TENM4: variants seen among roughly 807,000 people sequenced by gnomAD.
TENM4 encodes the protein teneurin transmembrane protein 4, also known as teneurin-4.
TENM4 carries 82 observed loss-of-function variants against 243.3 expected under a neutral mutation model. The ratio of observed to expected loss-of-function variants is 0.34; its 90% CI spans 0.28 to 0.40. The LOEUF is 0.40. Ranked by LOEUF, TENM4 falls within the 10% of genes least tolerant of loss-of-function variation. TENM4 has a pLI of 1.00. For missense variants in TENM4, 3,138 were observed against 3,673.3 expected (o/e 0.85, Z 3.77); for synonymous variants, 1,412 against 1,456.3 (o/e 0.97, Z 0.69).
At chr11:79,189,130 G>C (rs1218035399) in intron 3 of TENM4, among the ~76,000 whole-genome samples, 3 of 152,194 alleles carry the variant, frequency 2.0e-5, no homozygotes, top group Non-Finnish European at 4.4e-5. Context: ...ACACAGATAT[G>C]GTATGGCACA....
At chr11:78,865,624 A>G (rs367674046) in intron 9 of TENM4, among the ~76,000 whole-genome samples, 2 of 152,142 alleles carry the variant, frequency 1.3e-5, no homozygotes, top group South Asian at 2.1e-4. Context: ...AGACACACAC[A>G]AAAAAACTAC....
intron 6 of TENM4, among the ~76,000 whole-genome samples, chr11:79,010,406 G>A (rs1194474513): frequency 1.3e-5 from 2 of 152,152 alleles, no homozygotes; most frequent in East Asian, 3.9e-4. Context: ...CAGGGAGGCC[G>A]GAAGTCTTCA....
intron 28 of TENM4, 46 bp downstream of exon 28, chr11:78,701,480 G>T: frequency 1.3e-6 from 2 of 1,518,580 alleles, no homozygotes; most frequent in South Asian, 1.3e-5. Flanking sequence ...ATCCTACAAT[G>T]AATTAATGAA....
intron 32 of TENM4, among the ~76,000 whole-genome samples, chr11:78,666,734 G>T (rs764234562): frequency 2.0e-5 from 3 of 152,194 alleles, no homozygotes; most frequent in Non-Finnish European, 4.4e-5. Context: ...ACCCTTCATT[G>T]CAGCCTTGAA....
chr11:78,910,014 G>A (rs183191685), intron 6 of TENM4, among the ~76,000 whole-genome samples: 26 of 152,306 alleles, frequency 1.7e-4, no homozygotes, highest in African/African-American at 4.6e-4. Flanking sequence ...TGCCTCCCTC[G>A]TGGAAAGATT....
chr11:79,291,200 C>A (rs183229688), intron 2 of TENM4, among the ~76,000 whole-genome samples: 1 of 152,024 alleles, frequency 6.6e-6, no homozygotes, highest in Non-Finnish European at 1.5e-5. Flanking sequence ...CTAGGATGCA[C>A]GGGGAAGCAC....
chr11:78,699,733 C>T lies in TENM4; in HGVS notation c.5087+1793G>A, dbSNP rs192290615. Among the ~76,000 whole-genome samples the T allele has an allele frequency of 3.0e-3, 460 of 152,260 alleles. 2 individuals carry two copies. The highest frequency in any genetic ancestry group is 4.9e-3 in the Admixed American group (75 of 15,300). On this transcript the variant is annotated intron_variant, in intron 28 of 33. Transcript: ENST00000278550. ...AAGGAAAGAAAGGGAGGGATCTTTCCTGGTAGAAGTGTAGGAAACCGTTTT... is the reference window on the plus strand; with the variant it reads ...AAGGAAAGAAAGGGAGGGATCTTTCTTGGTAGAAGTGTAGGAAACCGTTTT...
rs192577605 is a variant in TENM4 at position 79,225,925 on chromosome 11, C to G, written c.-264-10016G>C. Among the ~76,000 whole-genome samples the G allele has an allele frequency of 1.2e-3, 189 of 152,246 alleles. 1 individual carries two copies. Among genetic ancestry groups the G allele is most frequent in the African/African-American group, 4.3e-3 (178 of 41,532 alleles). ...CGAAAATGAGTAATATGAATGGATCCATGTACTGGTGAATGGACTAGACCG... is the reference window on the plus strand; with the variant it reads ...CGAAAATGAGTAATATGAATGGATCGATGTACTGGTGAATGGACTAGACCG... On this transcript the variant is annotated intron_variant, in intron 2 of 33. Coordinates refer to ENST00000278550, the MANE Select transcript of TENM4 (RefSeq NM_001098816.3).
chr11:78,712,918 AACCCCTTGCAATTCTTGCAAG>A (rs912460253), intron 25 of TENM4, among the ~76,000 whole-genome samples: 1 of 133,134 alleles, frequency 7.5e-6, no homozygotes, highest in African/African-American at 3.8e-5. Context: ...TTCTTGCAAA[AACCCCTTGCAATTCTTGCAAG>A]AACCCCTTGC....
At chr11:79,147,505 G>A (rs1862416102) in intron 4 of TENM4, among the ~76,000 whole-genome samples, 1 of 152,002 alleles carries the variant, frequency 6.6e-6, no homozygotes, top group South Asian at 2.1e-4. Context: ...CTGAGGTTGG[G>A]CTTATGTTTG....
intron 2 of TENM4, among the ~76,000 whole-genome samples, chr11:79,278,984 C>A (rs1476275724): frequency 2.0e-5 from 3 of 152,178 alleles, no homozygotes; most frequent in Non-Finnish European, 4.4e-5. Context: ...CACAGAAGCA[C>A]CCAACATGCA....
At chr11:78,890,554 C>T (rs1297271894) in intron 8 of TENM4, among the ~76,000 whole-genome samples, 1 of 152,110 alleles carries the variant, frequency 6.6e-6, no homozygotes, top group Non-Finnish European at 1.5e-5. Context: ...GCCAAGAAAC[C>T]ACCACTAAGT....
At chr11:78,775,365 A>T (rs910157255) in intron 17 of TENM4, among the ~76,000 whole-genome samples, 2 of 152,236 alleles carry the variant, frequency 1.3e-5, no homozygotes, top group Non-Finnish European at 2.9e-5. Flanking sequence ...TCAATGAATC[A>T]TTGAGGTGCC....
chr11:79,397,037 G>A (rs1858359867), intron 1 of TENM4, among the ~76,000 whole-genome samples: 1 of 152,176 alleles, frequency 6.6e-6, no homozygotes, highest in African/African-American at 2.4e-5. Context: ...CAGGTGCAGG[G>A]ACTCTATAGG....
chr11:79,030,173 G>A (rs1047013740), intron 6 of TENM4, among the ~76,000 whole-genome samples: 4 of 152,206 alleles, frequency 2.6e-5, no homozygotes, highest in South Asian at 2.1e-4. Flanking sequence ...TGTTGACTGA[G>A]CTTTTCATGT....
At chr11:78,966,857 G>T (rs994870307) in intron 6 of TENM4, among the ~76,000 whole-genome samples, 1 of 152,082 alleles carries the variant, frequency 6.6e-6, no homozygotes, top group Non-Finnish European at 1.5e-5. Flanking sequence ...ACGCTGGCCT[G>T]CTCTCATTTC....
chr11:78,769,634 T>C (rs949667409), intron 18 of TENM4, among the ~76,000 whole-genome samples: 1 of 152,216 alleles, frequency 6.6e-6, no homozygotes, highest in African/African-American at 2.4e-5. Context: ...TTAAGGGATA[T>C]TTCAATCCTC....
At chr11:78,869,192 TG>T (rs1409348857) in intron 9 of TENM4, among the ~76,000 whole-genome samples, 4 of 152,282 alleles carry the variant, frequency 2.6e-5, no homozygotes, top group African/African-American at 7.2e-5. Flanking sequence ...AGCTAACTTA[TG>T]GTACAGGTAC....
At chr11:79,402,190 C>A in intron 1 of TENM4, 1 of 246,518 alleles carries the variant, frequency 4.1e-6, no homozygotes, top group Admixed American at 3.6e-5. Context: ...AGTCAGGCTT[C>A]AGGAATTTAG....
Sources: allele counts gnomAD v4.1 joint callset (sites outside exome capture counted in the v4.1 genomes callset), GRCh38; gene constraint gnomAD v4.1.1; transcripts MANE v1.5; gene names NCBI Gene and HGNC (gene_info 2026-07-23, HGNC 2026-07-21).